The following RDH13 variants were observed in gnomAD, a reference collection of about 807,000 sequenced individuals.
RDH13 encodes the protein retinol dehydrogenase 13 (all-trans and 9-cis).
In RDH13, 35 loss-of-function variants were observed where a neutral mutation model predicts 28.3. That is an observed-to-expected ratio of 1.24 (90% CI 0.95 to 1.64). RDH13 has a LOEUF of 1.64. RDH13 is among the 40% of genes most tolerant of loss of function. The probability of loss-of-function intolerance (pLI) is 0.00; values close to 1 mark genes in which losing one functional copy is unlikely to be tolerated. For synonymous variants in RDH13, 229 were observed against 198.5 expected (o/e 1.15, Z -1.29); for missense variants, 514 against 446.3 (o/e 1.15, Z -1.37).
chr19:55,051,441 T>TG (rs2075430540), intron 3 of RDH13, among the ~76,000 whole-genome samples: 1 of 151,744 alleles, frequency 6.6e-6, no homozygotes, highest in East Asian at 1.9e-4. Context: ...TTTTTTTTTT[T>TG]GAGATGAAGT....
At chr19:55,047,959 G>T (rs2075292937) in intron 5 of RDH13, 1 of 1,005,352 alleles carries the variant, frequency 9.9e-7, no homozygotes, top group Non-Finnish European at 1.4e-6. Context: ...CAGATGCCCA[G>T]AGCAATCTCT....
downstream of RDH13, chr19:55,040,697 G>C (rs890332498): frequency 7.9e-5 from 12 of 152,200 alleles, no homozygotes; most frequent in African/African-American, 2.9e-4. Flanking sequence ...TAATACATAA[G>C]CTGGCTTTAA....
chr19:55,044,135 G>T (rs954470161), downstream of RDH13: 2 of 151,986 alleles, frequency 1.3e-5, no homozygotes, highest in African/African-American at 4.8e-5. Flanking sequence ...AGCCAGGATG[G>T]TCTCGATCTC....
At chr19:55,062,652 C>T (rs1374506180) in intron 1 of RDH13, among the ~76,000 whole-genome samples, 1 of 152,260 alleles carries the variant, frequency 6.6e-6, no homozygotes, top group African/African-American at 2.4e-5. Flanking sequence ...TGCACTCCAG[C>T]CTGGGCGACA....
At chr19:55,045,366 C>A (rs2075185729) in intron 6 of RDH13, 57 bp from the exon 7 acceptor site, 7 of 1,395,376 alleles carry the variant, frequency 5.0e-6, no homozygotes, top group Non-Finnish European at 6.9e-6. Context: ...AGGAAGGAAG[C>A]CCCGCTCCCC....
intron 6 of RDH13, among the ~76,000 whole-genome samples, chr19:55,046,102 T>C (rs1225127680): frequency 1.3e-5 from 2 of 150,754 alleles, no homozygotes; most frequent in Non-Finnish European, 3.0e-5. Context: ...AAAACTTAGC[T>C]GGGTGTGGTG....
chr19:55,069,080 C>G (rs1255128598), intron 1 of RDH13, among the ~76,000 whole-genome samples: 1 of 147,730 alleles, frequency 6.8e-6, no homozygotes, highest in East Asian at 2.0e-4. Flanking sequence ...CACCACCCCC[C>G]GCCCCGACCC....
intron 3 of RDH13, among the ~76,000 whole-genome samples, chr19:55,049,910 C>A (rs192000084): frequency 6.6e-6 from 1 of 151,384 alleles, no homozygotes; most frequent in Non-Finnish European, 1.5e-5. Context: ...CCTTGGCTCA[C>A]AGGTGACCAT....
At chr19:55,050,132 G>A (rs1479186138) in intron 3 of RDH13, among the ~76,000 whole-genome samples, 2 of 151,040 alleles carry the variant, frequency 1.3e-5, no homozygotes, top group East Asian at 1.9e-4. Context: ...TTTTGGGGGG[G>A]GGAGATGGAG....
chr19:55,057,408 C>T (rs1220942089), intron 2 of RDH13, among the ~76,000 whole-genome samples: 2 of 149,138 alleles, frequency 1.3e-5, no homozygotes, highest in Non-Finnish European at 3.0e-5. Flanking sequence ...TTTGGGAGGC[C>T]AAGGCAAGAG....
intron 1 of RDH13, 46 bp from the exon 2 acceptor site, chr19:55,059,321 C>G: frequency 2.4e-6 from 3 of 1,261,844 alleles, no homozygotes; most frequent in Non-Finnish European, 2.2e-6. Flanking sequence ...CCCACTCTCA[C>G]CCCACGTGCC....
At chr19:55,056,052 G>A (rs1246292601) in intron 3 of RDH13, among the ~76,000 whole-genome samples, 1 of 152,146 alleles carries the variant, frequency 6.6e-6, no homozygotes, top group East Asian at 1.9e-4. Flanking sequence ...TACTCAGGAG[G>A]CTGAAGCAGG....
chr19:55,066,514 A>C, upstream of RDH13, among the ~76,000 whole-genome samples: 3 of 94,648 alleles, frequency 3.2e-5, no homozygotes, highest in Admixed American at 1.3e-4. Context: ...CCTCTCTCTC[A>C]CATCTCTCTT....
chr19:55,059,538 G>T (rs2075745658), intron 1 of RDH13, among the ~76,000 whole-genome samples: 1 of 151,476 alleles, frequency 6.6e-6, no homozygotes, highest in Admixed American at 6.6e-5. Context: ...CAGGTGAGGG[G>T]GCTTGCACCT....
At chr19:55,046,095 A>T (rs1054844613) in intron 6 of RDH13, among the ~76,000 whole-genome samples, 3 of 150,562 alleles carry the variant, frequency 2.0e-5, no homozygotes, top group Non-Finnish European at 4.4e-5. Context: ...AAAAATAAAA[A>T]CTTAGCTGGG....
At chr19:55,055,038 G>T (rs1468382824) in intron 3 of RDH13, among the ~76,000 whole-genome samples, 1 of 152,018 alleles carries the variant, frequency 6.6e-6, no homozygotes, top group African/African-American at 2.4e-5. Context: ...GCTAGAGGAT[G>T]GTCCCAGTTT....
chr19:55,045,200 T>C lies in RDH13; in HGVS notation c.870A>G (p.Gly290=). 6.2e-7 allele frequency: 1 copy of C among 1,613,490 alleles called. No homozygotes were observed. ...CGGGGGCCGGGGCCTTCTGTTTGAGTCCATCGAAGTACTTTCCGGAAACAT... is the reference window on the plus strand; with the variant it reads ...CGGGGGCCGGGGCCTTCTGTTTGAGCCCATCGAAGTACTTTCCGGAAACAT... ...LADVSGKYFD[G]LKQKAPAPEA... Residue 290 remains glycine (G), a synonymous_variant, in exon 7 of 7, where the codon GGA becomes GGG. Transcript: ENST00000415061.
downstream of RDH13, chr19:55,040,404 C>T (rs980648407): frequency 6.6e-6 from 1 of 152,376 alleles, no homozygotes; most frequent in Admixed American, 6.5e-5. Flanking sequence ...GTGATTTGGC[C>T]TCCCAAAGTG....
intron 3 of RDH13, among the ~76,000 whole-genome samples, chr19:55,052,498 C>G (rs190829350): frequency 6.6e-6 from 1 of 150,406 alleles, no homozygotes; most frequent in African/African-American, 2.4e-5. Flanking sequence ...GAGCCAAGAT[C>G]CCGTCATTGC....
Sources: allele counts gnomAD v4.1 joint callset (sites outside exome capture counted in the v4.1 genomes callset), GRCh38; gene constraint gnomAD v4.1.1; transcripts MANE v1.5; gene names NCBI Gene and HGNC (gene_info 2026-07-23, HGNC 2026-07-21).